Variants in CACNA1E observed in about 807,000 individuals in gnomAD.
CACNA1E encodes calcium voltage-gated channel subunit alpha1 E.
In CACNA1E, 40 loss-of-function variants were observed where a neutral mutation model predicts 259.2. The observed-to-expected ratio is 0.15, with a 90% CI of 0.12 to 0.20. The LOEUF is 0.20. Ranked by LOEUF, CACNA1E falls within the 10% of genes least tolerant of loss-of-function variation. The pLI is 1.00. For missense variants in CACNA1E, 1,874 were observed against 3,040.1 expected (o/e 0.62, Z 9.02); for synonymous variants, 1,104 against 1,138.5 (o/e 0.97, Z 0.61).
chr1:181,335,641 G>A (rs2102613236), intron 1 of CACNA1E, among the ~76,000 whole-genome samples: 1 of 152,268 alleles, frequency 6.6e-6, no homozygotes, highest in South Asian at 2.1e-4. Flanking sequence ...GGCAGTGGTG[G>A]CCCTCTCTTT....
At chr1:181,733,155 C>A in intron 20 of CACNA1E, 121 bp downstream of exon 20, 1 of 1,359,050 alleles carries the variant, frequency 7.4e-7, no homozygotes, top group Non-Finnish European at 9.7e-7. Context: ...GATGCTGACA[C>A]ACACTTTGTG....
At chr1:181,530,062 CAT>C (rs1414313982) in intron 3 of CACNA1E, among the ~76,000 whole-genome samples, 1 of 152,208 alleles carries the variant, frequency 6.6e-6, no homozygotes, top group Non-Finnish European at 1.5e-5. Flanking sequence ...ATAATTCCCA[CAT>C]GTTGTGGGAG....
intron 3 of CACNA1E, among the ~76,000 whole-genome samples, chr1:181,524,180 C>T (rs984210222): frequency 6.6e-6 from 1 of 152,214 alleles, no homozygotes; most frequent in African/African-American, 2.4e-5. Flanking sequence ...TATGCTCATC[C>T]CTCAACCAGA....
In CACNA1E at chr1:181,476,072, CGAT is replaced by C. The variant is rs1662829626; in HGVS notation, c.435-7669_435-7667del. Reference sequence around the variant, plus strand: ...GATGTGGTGGCTGGGATGCCAAGAACGATGACCTCTGAGGAGAGGGGGAGGTCA... The same window carrying C: ...GATGTGGTGGCTGGGATGCCAAGAACGACCTCTGAGGAGAGGGGGAGGTCA... On this transcript the variant is annotated intron_variant, in intron 2 of 11. Coordinates refer to the CACNA1E transcript ENST00000524607. 9.9e-5 allele frequency among the ~76,000 whole-genome samples: 15 copies of C among 152,092 alleles called. 1 individual carries two copies. In the South Asian group the frequency reaches 3.1e-3, roughly 32 times the overall value.
chr1:181,785,243 A>G, intron 41 of CACNA1E, 75 bp from the exon 42 acceptor site: 1 of 860,334 alleles, frequency 1.2e-6, no homozygotes. Context: ...AGAGTGGGTA[A>G]CAAAGCTTAG....
intron 1 of CACNA1E, among the ~76,000 whole-genome samples, chr1:181,327,584 G>A (rs995890982): frequency 6.6e-6 from 1 of 152,258 alleles, no homozygotes. Flanking sequence ...AGTTATCACT[G>A]TATACCCACA....
At chr1:181,745,094 G>C (rs1282090948) in intron 25 of CACNA1E, among the ~76,000 whole-genome samples, 1 of 152,172 alleles carries the variant, frequency 6.6e-6, no homozygotes, top group Admixed American at 6.5e-5. Context: ...AATGGAGTTT[G>C]GGAGGGAGTA....
chr1:181,755,828 C>T, intron 28 of CACNA1E, 128 bp from the exon 29 acceptor site: 1 of 968,788 alleles, frequency 1.0e-6, no homozygotes, highest in Non-Finnish European at 1.5e-6. Flanking sequence ...TAATAGAATT[C>T]CTTTTGCCTT....
At chr1:181,367,982 G>T (rs1244009000) in intron 1 of CACNA1E, among the ~76,000 whole-genome samples, 1 of 152,186 alleles carries the variant, frequency 6.6e-6, no homozygotes, top group African/African-American at 2.4e-5. Flanking sequence ...TGTAATCCCA[G>T]CACTTTGGGA....
intron 3 of CACNA1E, among the ~76,000 whole-genome samples, chr1:181,541,115 C>A (rs919999498): frequency 1.3e-5 from 2 of 152,068 alleles, no homozygotes; most frequent in Admixed American, 1.3e-4. Flanking sequence ...GTATGTTTTT[C>A]TTTTGTTAAT....
chr1:181,509,915 G>A (rs1359535585), intron 1 of CACNA1E, among the ~76,000 whole-genome samples: 1 of 152,190 alleles, frequency 6.6e-6, no homozygotes, highest in African/African-American at 2.4e-5. Flanking sequence ...ATAGAAGGAA[G>A]CTCACATGGA....
chr1:181,413,610 A>G (rs12061206), intron 2 of CACNA1E: 65,525 of 152,478 alleles, frequency 0.43, 14,320 homozygotes, highest in Admixed American at 0.5. Flanking sequence ...GGGGGCGGGC[A>G]TGGCTGGCTG....
chr1:181,604,841 G>T (rs915160103), intron 6 of CACNA1E, among the ~76,000 whole-genome samples: 4 of 152,158 alleles, frequency 2.6e-5, no homozygotes, highest in Non-Finnish European at 4.4e-5. Context: ...TAACCTAGCG[G>T]GGAGTTTCTT....
chr1:181,591,471 G>GT (rs1322817664), intron 6 of CACNA1E, among the ~76,000 whole-genome samples: 2 of 152,066 alleles, frequency 1.3e-5, no homozygotes, highest in Non-Finnish European at 2.9e-5. Context: ...GACTGCAATA[G>GT]TCATCTATAA....
intron 18 of CACNA1E, 52 bp from the exon 19 acceptor site, chr1:181,731,123 T>A: frequency 1.4e-6 from 2 of 1,454,634 alleles, no homozygotes; most frequent in Non-Finnish European, 9.6e-7. Flanking sequence ...CTGTGGGGCT[T>A]GAGGTTCCTA....
chr1:181,665,258 T>C (rs1173626938), intron 7 of CACNA1E, among the ~76,000 whole-genome samples: 1 of 152,136 alleles, frequency 6.6e-6, no homozygotes, highest in Non-Finnish European at 1.5e-5. Context: ...TTTTCACACA[T>C]GTATATGATG....
intron 46 of CACNA1E, 108 bp from the exon 47 acceptor site, chr1:181,796,560 T>C: frequency 2.6e-6 from 2 of 772,816 alleles, no homozygotes; most frequent in Non-Finnish European, 4.0e-6. Flanking sequence ...GTGGTTCCTC[T>C]GAGGGCCCAA....
intron 7 of CACNA1E, among the ~76,000 whole-genome samples, chr1:181,680,506 C>T (rs1327841742): frequency 6.6e-6 from 1 of 152,206 alleles, no homozygotes; most frequent in Non-Finnish European, 1.5e-5. Context: ...AAGTCAAGAA[C>T]TGTGTGTTCC....
At chr1:181,552,327 T>A (rs192930646) in intron 3 of CACNA1E, among the ~76,000 whole-genome samples, 3 of 152,342 alleles carry the variant, frequency 2.0e-5, no homozygotes, top group African/African-American at 7.2e-5. Flanking sequence ...ACTTTTTTGA[T>A]TTTGTCATCT....
Sources: gnomAD v4.1 joint callset for allele counts (sites outside exome capture counted in the v4.1 genomes callset) on GRCh38, gnomAD v4.1.1 for gene constraint, MANE v1.5 for transcripts, NCBI Gene and HGNC (gene_info 2026-07-23, HGNC 2026-07-21) for gene names.